Variants in CFAP299 observed in about 807,000 individuals in gnomAD.
The protein encoded by CFAP299 is cilia- and flagella-associated protein 299.
CFAP299 carries 21 observed loss-of-function variants against 27.0 expected under a neutral mutation model. The ratio of observed to expected loss-of-function variants is 0.78; its 90% confidence interval spans 0.55 to 1.12. The LOEUF (loss-of-function observed/expected upper bound fraction) is 1.12. CFAP299 is among the 50% of genes most tolerant of loss of function. CFAP299 has a pLI of 0.00. For synonymous variants in CFAP299, 104 were observed against 98.1 expected (o/e 1.06, Z -0.36); for missense variants, 310 against 276.6 (o/e 1.12, Z -0.86).
At chr4:80,698,962 C>T (rs906387398) in intron 3 of CFAP299, among the ~76,000 whole-genome samples, 4 of 152,118 alleles carry the variant, frequency 2.6e-5, no homozygotes, top group Non-Finnish European at 5.9e-5. Context: ...GGTGTGGACA[C>T]AGCAAAACCA....
intron 3 of CFAP299, among the ~76,000 whole-genome samples, chr4:80,742,138 A>AT (rs961298100): frequency 1.3e-5 from 2 of 152,168 alleles, no homozygotes; most frequent in Non-Finnish European, 2.9e-5. Flanking sequence ...TTTCAGTGAT[A>AT]TGCAGTTAAA....
chr4:80,892,534 C>T (rs1734360870), intron 4 of CFAP299, among the ~76,000 whole-genome samples: 2 of 151,986 alleles, frequency 1.3e-5, no homozygotes, highest in Non-Finnish European at 2.9e-5. Flanking sequence ...AAAGTTTCTG[C>T]ACAGCAAAGT....
At chr4:80,351,494 G>A (rs1723013045) in intron 1 of CFAP299, among the ~76,000 whole-genome samples, 1 of 151,952 alleles carries the variant, frequency 6.6e-6, no homozygotes. Context: ...AACTAAAAAT[G>A]TAATAGTGGA....
At chr4:80,836,878 T>C (rs1730589445) in intron 3 of CFAP299, among the ~76,000 whole-genome samples, 3 of 152,118 alleles carry the variant, frequency 2.0e-5, no homozygotes. Context: ...CTACCTTTAT[T>C]TTGTAGTCAC....
At chr4:80,749,961 T>C in intron 3 of CFAP299, among the ~76,000 whole-genome samples, 1 of 152,202 alleles carries the variant, frequency 6.6e-6, no homozygotes. Flanking sequence ...TCATAGTACC[T>C]GATACTTGGT....
At chr4:80,333,911 T>C (rs985771200), upstream of CFAP299, among the ~76,000 whole-genome samples, 7 of 152,362 alleles carry the variant, frequency 4.6e-5, no homozygotes, top group East Asian at 1.4e-3. Flanking sequence ...CACCCTTTCA[T>C]TTCTCAGGCA....
intron 4 of CFAP299, among the ~76,000 whole-genome samples, chr4:80,877,082 T>A (rs1733418455): frequency 6.6e-6 from 1 of 152,168 alleles, no homozygotes; most frequent in Non-Finnish European, 1.5e-5. Flanking sequence ...AAGTGACCTG[T>A]AATTGTGGTT....
intron 4 of CFAP299, among the ~76,000 whole-genome samples, chr4:80,917,522 G>A (rs1560476102): frequency 6.6e-6 from 1 of 152,036 alleles, no homozygotes; most frequent in Non-Finnish European, 1.5e-5. Flanking sequence ...CACAAGTATT[G>A]GAAGCCTCAC....
intron 3 of CFAP299, among the ~76,000 whole-genome samples, chr4:80,828,548 G>A (rs1431682044): frequency 6.6e-6 from 1 of 151,914 alleles, no homozygotes; most frequent in Non-Finnish European, 1.5e-5. Flanking sequence ...ATGGCTTATT[G>A]CTGTCTTCAT....
rs559247586 is a variant in CFAP299 at position 80,905,475 on chromosome 4, T to A, written c.476+35340T>A. Among the ~76,000 whole-genome samples the A allele has an allele frequency of 6.3e-4, 96 of 152,218 alleles. 1 individual carries two copies. Among genetic ancestry groups the A allele is most frequent in the African/African-American group, 1.1e-3 (46 of 41,548 alleles). On this transcript the variant is annotated intron_variant, in intron 4 of 5. Coordinates refer to ENST00000358105, the MANE Select transcript of CFAP299 (RefSeq NM_152770.3). ...GTAATCAGGAAATTGATATTTTTTT[T>A]AAAAAAGACTAGAATTCTCAAGACT...
chr4:80,444,137 T>C (rs1005155545), intron 2 of CFAP299, among the ~76,000 whole-genome samples: 1 of 152,194 alleles, frequency 6.6e-6, no homozygotes, highest in East Asian at 1.9e-4. Flanking sequence ...GCTATTTCTG[T>C]CAAACTACCA....
At position 80,940,727 on chromosome 4, in the gene CFAP299, G is replaced by A. The variant is rs200845812; in HGVS notation, c.477-4083G>A. Among the ~76,000 whole-genome samples, 39 of 151,808 alleles carry A rather than the reference G, an allele frequency of 2.6e-4. No individual in the cohort carries two copies. The East Asian group carries it at 5.2e-3, about 20-fold the overall frequency. On this transcript the variant is annotated intron_variant, in intron 4 of 5. Coordinates refer to ENST00000358105, the MANE Select transcript of CFAP299 (RefSeq NM_152770.3). ...TCGTGAGTTTTTTCAGTTTATTTTC[G>A]TTTGTACAAATTCCCTTTAAGTACT...
intron 3 of CFAP299, among the ~76,000 whole-genome samples, chr4:80,767,596 G>A (rs1248065182): frequency 2.0e-5 from 3 of 152,136 alleles, no homozygotes; most frequent in Non-Finnish European, 2.9e-5. Flanking sequence ...GCAACAGAGC[G>A]AGACTCCGTC....
intron 3 of CFAP299, among the ~76,000 whole-genome samples, chr4:80,858,814 G>T (rs1337653206): frequency 6.6e-6 from 1 of 152,142 alleles, no homozygotes; most frequent in East Asian, 1.9e-4. Context: ...TTGCTGAGGA[G>T]AGCTTTACTT....
intron 4 of CFAP299, among the ~76,000 whole-genome samples, chr4:80,943,182 T>C (rs1737284685): frequency 6.6e-6 from 1 of 152,210 alleles, no homozygotes; most frequent in African/African-American, 2.4e-5. Context: ...AAAATTCCTT[T>C]TTCTTACTCT....
intron 2 of CFAP299, among the ~76,000 whole-genome samples, chr4:80,417,483 T>G (rs1013915943): frequency 6.6e-6 from 1 of 152,148 alleles, no homozygotes; most frequent in African/African-American, 2.4e-5. Flanking sequence ...TATCCCTGGA[T>G]GTGAGGTTAA....
rs1553893122 is a variant in CFAP299 at position 80,799,812 on chromosome 4, T to TATATATTTATATATTATAATATATA, written c.334-70175_334-70174insTTATATATTATAATATATAATATAT. On this transcript the variant is annotated intron_variant, in intron 3 of 5. Coordinates refer to ENST00000358105, the MANE Select transcript of CFAP299 (RefSeq NM_152770.3). ...TATATTATATTATATAATATATAAA[T>TATATATTTATATATTATAATATATA]ATATATATTATATATATTTATATAT... 1.3e-3 allele frequency among the ~76,000 whole-genome samples: 48 copies of TATATATTTATATATTATAATATATA among 36,116 alleles called. 3 individuals are homozygous for TATATATTTATATATTATAATATATA. Among genetic ancestry groups the TATATATTTATATATTATAATATATA allele is most frequent in the African/African-American group, 6.3e-3 (48 of 7,568 alleles). 23.7% of individuals were successfully genotyped at this position (36,116 alleles called of 152,430 possible).
In CFAP299 at chr4:80,907,553, G is replaced by A. The variant is rs59273153; in HGVS notation, c.477-37257G>A. On this transcript the variant is annotated intron_variant, in intron 4 of 5. Transcript: ENST00000358105. ...TCCTGCAGGGCTGAGGAGGCCTCAG[G>A]AAACTTACAATCATGGCAGAAGGGG... Among the ~76,000 whole-genome samples, 555 of 152,286 alleles carry A rather than the reference G, an allele frequency of 3.6e-3. 2 individuals carry two copies. Among genetic ancestry groups the A allele is most frequent in the African/African-American group, 0.013 (521 of 41,560 alleles).
At chr4:80,486,946 G>A (rs1259619430) in intron 2 of CFAP299, among the ~76,000 whole-genome samples, 1 of 152,354 alleles carries the variant, frequency 6.6e-6, no homozygotes, top group Middle Eastern at 3.4e-3. Context: ...ATGCACAGTA[G>A]TGTGGCTCAA....
Sources: gnomAD v4.1 joint callset for allele counts (sites outside exome capture counted in the v4.1 genomes callset) on GRCh38, gnomAD v4.1.1 for gene constraint, MANE v1.5 for transcripts, NCBI Gene and HGNC (gene_info 2026-07-23, HGNC 2026-07-21) for gene names.